AKAP13: variants seen among roughly 807,000 people sequenced by gnomAD.
AKAP13 encodes A-kinase anchor protein 13.
AKAP13 carries 80 observed loss-of-function variants against 264.5 expected under a neutral mutation model. The ratio of observed to expected loss-of-function variants is 0.30; its 90% confidence interval spans 0.25 to 0.36. The LOEUF (loss-of-function observed/expected upper bound fraction) is 0.36. Among genes scored for constraint, AKAP13 ranks in the 10% least tolerant of loss-of-function variants. The pLI is 1.00. For missense variants in AKAP13, 3,712 were observed against 3,435.2 expected (o/e 1.08, Z -2.01); for synonymous variants, 1,380 against 1,250.2 (o/e 1.10, Z -2.19).
At chr15:85,473,751 T>C (rs1237875608) in intron 1 of AKAP13, among the ~76,000 whole-genome samples, 1 of 152,190 alleles carries the variant, frequency 6.6e-6, no homozygotes, top group East Asian at 1.9e-4. Context: ...GCCCAACCTC[T>C]TGCTAGCCAG....
intron 1 of AKAP13, among the ~76,000 whole-genome samples, chr15:85,412,248 A>G (rs2072007747): frequency 1.3e-5 from 2 of 152,234 alleles, no homozygotes; most frequent in Admixed American, 6.5e-5. Context: ...CCACTTGTCA[A>G]GTTTTGGTGT....
chr15:85,569,601 C>T (rs566280836), intron 5 of AKAP13, among the ~76,000 whole-genome samples: 76 of 151,824 alleles, frequency 5.0e-4, no homozygotes, highest in African/African-American at 1.8e-3. Flanking sequence ...TACAGGTGCA[C>T]GCCACTACAC....
intron 8 of AKAP13, among the ~76,000 whole-genome samples, chr15:85,611,030 A>T (rs188316414): frequency 2.4e-3 from 360 of 151,954 alleles, no homozygotes; most frequent in Non-Finnish European, 3.9e-3. Context: ...GAAATAGTAG[A>T]ATATTTAAAT....
Position 85,743,504 on chromosome 15 carries a change from C to T in AKAP13, c.8071C>T (p.His2691Tyr), listed in dbSNP as rs370854608. ...ERDLCQVSHP[H>Y]TKLMRIPSFF... ...TGAATATGTACAGGTTTCCCATCCACATACCAAGCTGATGAGGATCCCATC... is the reference window on the plus strand; with the variant it reads ...TGAATATGTACAGGTTTCCCATCCATATACCAAGCTGATGAGGATCCCATC... Residue 2691 changes from histidine (H) to tyrosine (Y), a missense_variant, in exon 36 of 37, where the codon CAT (histidine) becomes TAT (tyrosine). By Grantham distance (83) the His-to-Tyr change is moderately conservative. Transcript: ENST00000394518. The T allele has an allele frequency of 5.0e-6, 8 of 1,613,700 alleles. No individual in the cohort carries two copies. The highest frequency in any genetic ancestry group is 3.3e-5 in the Admixed American group (2 of 59,970).
chr15:85,428,651 T>C (rs2072900673), intron 1 of AKAP13, among the ~76,000 whole-genome samples: 1 of 152,262 alleles, frequency 6.6e-6, no homozygotes, highest in Non-Finnish European at 1.5e-5. Flanking sequence ...GCTACTAATG[T>C]CTTGTTTCTA....
intron 8 of AKAP13, among the ~76,000 whole-genome samples, chr15:85,601,554 A>G (rs1275309276): frequency 2.6e-5 from 4 of 151,508 alleles, no homozygotes; most frequent in Middle Eastern, 3.2e-3. Flanking sequence ...AACTTATCAC[A>G]TTAAACTGCC....
At position 85,579,923 on chromosome 15, in the gene AKAP13, G is replaced by T. The variant is rs775726341; in HGVS notation, c.1855G>T (p.Asp619Tyr). 6.2e-7 allele frequency: 1 copy of T among 1,614,052 alleles called. No individual in the cohort carries two copies. Among genetic ancestry groups the T allele is most frequent in the South Asian group, 1.1e-5 (1 of 91,084 alleles). Residue 619 changes from aspartate to tyrosine, a missense_variant, in exon 7 of 37, where the codon GAT (aspartate) becomes TAT (tyrosine). Physicochemically the swap from Asp to Tyr is radical, Grantham distance 160. Transcript: ENST00000394518. ...AGIGEAMSPS[D>Y]LALLGLEEDV... Reference sequence around the variant, plus strand: ...CATAGGTGAGGCAATGTCACCCTCAGATTTAGCCCTTCTTGGGCTGGAAGA... The same window carrying T: ...CATAGGTGAGGCAATGTCACCCTCATATTTAGCCCTTCTTGGGCTGGAAGA...
At chr15:85,445,625 T>TA (rs2150966583) in intron 1 of AKAP13, among the ~76,000 whole-genome samples, 1 of 152,314 alleles carries the variant, frequency 6.6e-6, no homozygotes, top group South Asian at 2.1e-4. Flanking sequence ...CACTGTGACT[T>TA]ACCTTTATTA....
intron 23 of AKAP13, among the ~76,000 whole-genome samples, chr15:85,720,656 T>C (rs2087225741): frequency 6.6e-6 from 1 of 152,192 alleles, no homozygotes. Flanking sequence ...TCCCCAAAGA[T>C]TTTGGGCAAA....
chr15:85,434,070 T>G (rs184986550), intron 1 of AKAP13, among the ~76,000 whole-genome samples: 96 of 134,024 alleles, frequency 7.2e-4, no homozygotes, highest in African/African-American at 2.6e-3. Flanking sequence ...GTACCAGGTT[T>G]ATCTCACTAG....
intron 8 of AKAP13, among the ~76,000 whole-genome samples, chr15:85,612,034 A>G (rs1461281605): frequency 2.0e-5 from 3 of 152,246 alleles, no homozygotes; most frequent in Non-Finnish European, 2.9e-5. Flanking sequence ...CCAAGCGTAC[A>G]TGTTTAATAA....
chr15:85,620,309 A>C, intron 8 of AKAP13: 1 of 764,586 alleles, frequency 1.3e-6, no homozygotes. Context: ...ATGAGGGGTG[A>C]ATGTAAGCCT....
chr15:85,479,057 G>A (rs1370669852), intron 1 of AKAP13, among the ~76,000 whole-genome samples: 2 of 152,148 alleles, frequency 1.3e-5, no homozygotes, highest in African/African-American at 2.4e-5. Flanking sequence ...GCATTCATGA[G>A]GGTCTTGTAA....
At chr15:85,674,116 A>G (rs983900518) in intron 14 of AKAP13, among the ~76,000 whole-genome samples, 2 of 151,760 alleles carry the variant, frequency 1.3e-5, no homozygotes, top group Non-Finnish European at 2.9e-5. Flanking sequence ...TAATGTTGAA[A>G]GGGGAATTGG....
chr15:85,746,969 T>A lies in AKAP13; in HGVS notation c.*2292T>A, dbSNP rs943455033. 1 of 152,212 alleles carries A rather than the reference T, an allele frequency of 6.6e-6. No individual in the cohort carries two copies. The highest frequency in any genetic ancestry group is 2.4e-5 in the African/African-American group (1 of 41,438). The allele number at this position is 152,212 out of a possible 1,614,324, so 9.4% of individuals were successfully genotyped here. ...GAGCACGTCGCCACAGAGCTTGACATCAATGTTAGAGGGTCTCTTACTCCC... is the reference window on the plus strand; with the variant it reads ...GAGCACGTCGCCACAGAGCTTGACAACAATGTTAGAGGGTCTCTTACTCCC... On this transcript the variant is annotated 3_prime_UTR_variant, in exon 37 of 37. Coordinates refer to ENST00000394518, the MANE Select transcript of AKAP13 (RefSeq NM_007200.5).
intron 10 of AKAP13, among the ~76,000 whole-genome samples, chr15:85,647,163 C>G (rs903688411): frequency 9.9e-5 from 15 of 152,146 alleles, no homozygotes; most frequent in Admixed American, 9.8e-4. Context: ...CTTTGGGAGG[C>G]CAAGGCGGGT....
chr15:85,657,473 G>C (rs537982741), intron 11 of AKAP13, among the ~76,000 whole-genome samples: 1 of 152,094 alleles, frequency 6.6e-6, no homozygotes, highest in Non-Finnish European at 1.5e-5. Context: ...GAGTCGAGTG[G>C]TATTATCCCC....
At chr15:85,450,430 T>C (rs1392364747) in intron 1 of AKAP13, among the ~76,000 whole-genome samples, 1 of 152,186 alleles carries the variant, frequency 6.6e-6, no homozygotes, top group Non-Finnish European at 1.5e-5. Context: ...TGTTCTTCTC[T>C]AATTCTTTCA....
chr15:85,738,759 A>G (rs945122727), intron 33 of AKAP13, among the ~76,000 whole-genome samples: 6 of 148,992 alleles, frequency 4.0e-5, no homozygotes, highest in Admixed American at 6.8e-5. Flanking sequence ...AATGGCGTGA[A>G]CCCGGGAGGC....
Sources: gnomAD v4.1 joint callset for allele counts (sites outside exome capture counted in the v4.1 genomes callset) on GRCh38, gnomAD v4.1.1 for gene constraint, MANE v1.5 for transcripts, NCBI Gene and HGNC (gene_info 2026-07-23, HGNC 2026-07-21) for gene names.